The following ZPLD1 variants were observed in gnomAD, a reference collection of about 807,000 sequenced individuals.
The protein encoded by ZPLD1 is zona pellucida like domain containing 1.
In ZPLD1, 34 loss-of-function variants were observed where a neutral mutation model predicts 47.2. The observed-to-expected ratio is 0.72, with a 90% CI of 0.55 to 0.96. The LOEUF is 0.96. ZPLD1 is among the 40% of genes least tolerant of loss of function. ZPLD1 has a pLI of 0.00. For synonymous variants in ZPLD1, 176 were observed against 186.2 expected (o/e 0.95, Z 0.45); for missense variants, 512 against 505.8 (o/e 1.01, Z -0.12).
intron 7 of ZPLD1, among the ~76,000 whole-genome samples, chr3:102,409,697 C>T (rs1253338049): frequency 1.3e-5 from 2 of 151,698 alleles, no homozygotes; most frequent in Admixed American, 6.6e-5. Flanking sequence ...TCAGTAAACA[C>T]AATTACCTAT....
intron 7 of ZPLD1, among the ~76,000 whole-genome samples, chr3:102,414,203 C>T (rs17770811): frequency 0.014 from 2,146 of 151,948 alleles, 22 homozygotes; most frequent in Non-Finnish European, 0.024. Context: ...TCAGGACAAA[C>T]TCCCACAATT....
At chr3:102,386,082 A>G (rs1306155792) in intron 6 of ZPLD1, among the ~76,000 whole-genome samples, 1 of 151,634 alleles carries the variant, frequency 6.6e-6, no homozygotes, top group Non-Finnish European at 1.5e-5. Context: ...CATTTTCTCC[A>G]CTCCTTGACT....
At chr3:102,464,039 G>T in intron 7 of ZPLD1, 132 bp from the exon 8 acceptor site, 1 of 673,480 alleles carries the variant, frequency 1.5e-6, no homozygotes, top group East Asian at 2.8e-5. Flanking sequence ...AACGGAACAA[G>T]ACTCCGTCTC....
Position 102,477,777 on chromosome 3 carries a change from G to C in ZPLD1, c.*159G>C, listed in dbSNP as rs1707781166. ...TGTCAGCATAATGATAGTGAAAGAAGTTTATTATATTGCTATTGTCACTTA... is the reference window on the plus strand; with the variant it reads ...TGTCAGCATAATGATAGTGAAAGAACTTTATTATATTGCTATTGTCACTTA... On this transcript the variant is annotated 3_prime_UTR_variant, in exon 12 of 12. Coordinates refer to ENST00000466937, the MANE Select transcript of ZPLD1 (RefSeq NM_001329788.2). The C allele has an allele frequency of 1.6e-6, 1 of 630,238 alleles. No individual in the cohort carries two copies. Among genetic ancestry groups the C allele is most frequent in the Non-Finnish European group, 2.5e-6 (1 of 407,946 alleles). The allele number at this position is 630,238 out of a possible 1,614,324, so 39.0% of individuals were successfully genotyped here. A position where few individuals can be genotyped will look rare whatever the true frequency, so the allele number is the denominator to read the frequency against.
intron 8 of ZPLD1, among the ~76,000 whole-genome samples, chr3:102,425,904 T>C (rs78553025): frequency 0.15 from 21,824 of 150,480 alleles, 2,023 homozygotes; most frequent in Middle Eastern, 0.24. Context: ...TTCTATAACT[T>C]AGTTATAGTT....
chr3:102,396,737 G>A (rs560832749), intron 7 of ZPLD1, among the ~76,000 whole-genome samples: 3 of 152,094 alleles, frequency 2.0e-5, no homozygotes, highest in East Asian at 3.9e-4. Context: ...CTTTGACCAC[G>A]GCACTCTGTT....
chr3:102,412,371 GCTCA>G (rs1377578584), intron 7 of ZPLD1, among the ~76,000 whole-genome samples: 1 of 151,644 alleles, frequency 6.6e-6, no homozygotes, highest in Non-Finnish European at 1.5e-5. Flanking sequence ...TGTGCAGTGT[GCTCA>G]CTAACTCCCA....
At chr3:102,451,476 G>C (rs1436826067) in intron 3 of ZPLD1, among the ~76,000 whole-genome samples, 1 of 151,976 alleles carries the variant, frequency 6.6e-6, no homozygotes, top group East Asian at 1.9e-4. Context: ...TTATCTAATT[G>C]GTATAATAAG....
chr3:102,461,802 G>T (rs1707510411), intron 6 of ZPLD1, among the ~76,000 whole-genome samples: 1 of 151,862 alleles, frequency 6.6e-6, no homozygotes, highest in Non-Finnish European at 1.5e-5. Context: ...ATTTCAATTT[G>T]CCAGGTAAGT....
intron 8 of ZPLD1, among the ~76,000 whole-genome samples, chr3:102,426,132 G>GAACACACACACA (rs112527828): frequency 7.0e-6 from 1 of 143,004 alleles, no homozygotes; most frequent in Non-Finnish European, 1.6e-5. Flanking sequence ...ACACACACAT[G>GAACACACACACA]CACACACACA....
intron 7 of ZPLD1, among the ~76,000 whole-genome samples, chr3:102,398,433 G>A (rs2107289692): frequency 1.3e-5 from 2 of 152,162 alleles, no homozygotes; most frequent in South Asian, 4.1e-4. Flanking sequence ...TCTCTTCTTT[G>A]TCTGTCAAGG....
intron 7 of ZPLD1, among the ~76,000 whole-genome samples, chr3:102,400,707 G>C (rs1243627417): frequency 1.3e-5 from 2 of 151,920 alleles, no homozygotes; most frequent in African/African-American, 4.8e-5. Context: ...CATTGGGATA[G>C]TGTGATGCTC....
chr3:102,418,142 A>G lies in ZPLD1; in HGVS notation c.-74A>G, dbSNP rs890023324. The G allele has an allele frequency of 2.6e-5, 4 of 152,458 alleles. No individual in the cohort carries two copies. The East Asian group carries it at 5.8e-4, about 22-fold the overall frequency. The allele number at this position is 152,458 out of a possible 1,614,324, so 9.4% of individuals were successfully genotyped here. A position where few individuals can be genotyped will look rare whatever the true frequency, so the allele number is the denominator to read the frequency against. ...GTTTGGTAAGGTCAGGCATTTGAAC[A>G]CTCAGTCACATGCGGCAGAACCTAG... On this transcript the variant is annotated 5_prime_UTR_variant, in exon 8 of 18. Coordinates refer to the ZPLD1 transcript ENST00000491959.
chr3:102,422,802 C>A (rs1415611991), intron 8 of ZPLD1, among the ~76,000 whole-genome samples: 1 of 150,184 alleles, frequency 6.7e-6, no homozygotes, highest in Non-Finnish European at 1.5e-5. Context: ...TGTGATTGGG[C>A]AGATAGGAAC....
chr3:102,470,459 T>C lies in ZPLD1; in HGVS notation c.999T>C (p.Ser333=), dbSNP rs1049972592. The C allele has an allele frequency of 1.9e-6, 3 of 1,614,116 alleles. No individual in the cohort carries two copies. The highest frequency in any genetic ancestry group is 1.3e-5 in the African/African-American group (1 of 75,030). ...RRTTWSPQSS[S]GSAVLSAGPI... ...CGACTTGGAGCCCCCAGAGCTCTTC[T>C]GGCAGCGCGGTGCTCTCTGCTGGTC... The change falls in exon 10 of 12, where the codon TCT becomes TCC. Residue 333 remains serine, a synonymous_variant. Transcript: ENST00000466937.
upstream of ZPLD1, among the ~76,000 whole-genome samples, chr3:102,433,591 G>T (rs1224343439): frequency 1.3e-5 from 2 of 152,194 alleles, no homozygotes; most frequent in Non-Finnish European, 2.9e-5. Context: ...GCAGTGGCGT[G>T]ATCTCGGCTC....
intron 3 of ZPLD1, among the ~76,000 whole-genome samples, chr3:102,448,645 T>A (rs1009735755): frequency 6.6e-6 from 1 of 152,206 alleles, no homozygotes; most frequent in African/African-American, 2.4e-5. Context: ...CATCATATCT[T>A]AAAGTGGGAT....
intron 3 of ZPLD1, among the ~76,000 whole-genome samples, chr3:102,438,865 T>G (rs150134003): frequency 6.8e-4 from 104 of 152,324 alleles, no homozygotes; most frequent in African/African-American, 2.4e-3. Flanking sequence ...GAGACTAATT[T>G]CATTCAAAAT....
chr3:102,395,219 T>C (rs1706543268), intron 7 of ZPLD1, among the ~76,000 whole-genome samples: 1 of 152,116 alleles, frequency 6.6e-6, no homozygotes, highest in African/African-American at 2.4e-5. Flanking sequence ...CTAATCCCCA[T>C]AACCTATGAC....
Sources: allele counts gnomAD v4.1 joint callset (sites outside exome capture counted in the v4.1 genomes callset), GRCh38; gene constraint gnomAD v4.1.1; transcripts MANE v1.5; gene names NCBI Gene and HGNC (gene_info 2026-07-23, HGNC 2026-07-21).